ADGRD1: variants seen among roughly 807,000 people sequenced by gnomAD.
ADGRD1 encodes adhesion G protein-coupled receptor D1, also known as G-protein coupled receptor 133.
ADGRD1 carries 77 observed loss-of-function variants against 113.4 expected under a neutral mutation model. The observed-to-expected ratio is 0.68, with a 90% CI of 0.57 to 0.82. ADGRD1 has a LOEUF of 0.82. ADGRD1 is among the 40% of genes least tolerant of loss of function. The pLI is 0.00. For synonymous variants in ADGRD1, 474 were observed against 475.0 expected (o/e 1.00, Z 0.03); for missense variants, 1,036 against 1,139.1 (o/e 0.91, Z 1.30).
At chr12:130,973,332 A>G (rs547234403) in intron 4 of ADGRD1, 1 of 152,338 alleles carries the variant, frequency 6.6e-6, no homozygotes, top group South Asian at 2.1e-4. Flanking sequence ...CCTCATCTGT[A>G]AAGTGAGTGA....
At chr12:130,995,038 G>A (rs1875052612) in intron 8 of ADGRD1, among the ~76,000 whole-genome samples, 1 of 152,236 alleles carries the variant, frequency 6.6e-6, no homozygotes, top group Non-Finnish European at 1.5e-5. Flanking sequence ...TCTCGCACCT[G>A]ACACTGCAGT....
rs570268178 is a variant in ADGRD1, at chr12:131,018,280, G to C, written c.1473+3940G>C. Among the ~76,000 whole-genome samples, 5 of 152,286 alleles carry C rather than the reference G, an allele frequency of 3.3e-5. No individual in the cohort carries two copies. The South Asian group carries it at 1.0e-3, about 32-fold the overall frequency. Reference sequence around the variant, plus strand: ...CACAGCCACGTGGTTAGATTGCAGGGCTGAGGCCCGCATTCTCCCAGGTGT... The same window carrying C: ...CACAGCCACGTGGTTAGATTGCAGGCCTGAGGCCCGCATTCTCCCAGGTGT... On this transcript the variant is annotated intron_variant, in intron 13 of 24. Coordinates refer to ENST00000261654, the MANE Select transcript of ADGRD1 (RefSeq NM_198827.5).
At position 130,987,204 on chromosome 12, in the gene ADGRD1, C is replaced by T; in HGVS notation, c.600C>T (p.Asp200=). The change falls in exon 6 of 25, where the codon GAC becomes GAT. Residue 200 remains aspartate (D), a synonymous_variant. Transcript: ENST00000261654. Reference sequence around the variant, plus strand: ...ATCCGAGTGGAAAAGTGTCTCGTGACTATGGAGAGTCCAACGTCAACCTCG... The same window carrying T: ...ATCCGAGTGGAAAAGTGTCTCGTGATTATGGAGAGTCCAACGTCAACCTCG... ...TSDPSGKVSR[D]YGESNVNLVI... is the part of the protein sequence containing the mutation. 1.2e-6 allele frequency: 2 copies of T among 1,614,228 alleles called. No individual in the cohort carries two copies. Among genetic ancestry groups the T allele is most frequent in the Non-Finnish European group, 8.5e-7 (1 of 1,180,032 alleles).
At chr12:131,032,641 C>T (rs938274661) in intron 13 of ADGRD1, among the ~76,000 whole-genome samples, 10 of 152,112 alleles carry the variant, frequency 6.6e-5, no homozygotes, top group East Asian at 3.9e-4. Flanking sequence ...GGGGCAGTGA[C>T]GATTATGCTT....
intron 20 of ADGRD1, among the ~76,000 whole-genome samples, chr12:131,121,531 C>G (rs1314924863): frequency 1.3e-5 from 2 of 152,186 alleles, no homozygotes; most frequent in Non-Finnish European, 1.5e-5. Flanking sequence ...CAGCCATGCG[C>G]CACCACGCCC....
At chr12:131,125,381 G>T (rs1950716238) in intron 20 of ADGRD1, among the ~76,000 whole-genome samples, 1 of 152,174 alleles carries the variant, frequency 6.6e-6, no homozygotes, top group Non-Finnish European at 1.5e-5. Flanking sequence ...CCCCACCGAG[G>T]AAAGAAGGAG....
At chr12:131,109,649 T>C (rs1950308153) in intron 18 of ADGRD1, among the ~76,000 whole-genome samples, 1 of 152,234 alleles carries the variant, frequency 6.6e-6, no homozygotes, top group Non-Finnish European at 1.5e-5. Flanking sequence ...TTTTATGCCT[T>C]AGTAAGTATC....
intron 2 of ADGRD1, among the ~76,000 whole-genome samples, chr12:130,955,061 G>A (rs1445715917): frequency 1.3e-5 from 2 of 149,654 alleles, no homozygotes; most frequent in Non-Finnish European, 3.0e-5. Context: ...CCGGGTTCAA[G>A]CAATTCTCCT....
At chr12:131,097,777 A>C (rs1191676227) in intron 15 of ADGRD1, among the ~76,000 whole-genome samples, 1 of 152,194 alleles carries the variant, frequency 6.6e-6, no homozygotes, top group African/African-American at 2.4e-5. Flanking sequence ...GTGGGCGTCA[A>C]AGGTTGGGGA....
intron 6 of ADGRD1, chr12:130,988,225 T>C (rs1242958085): frequency 6.6e-6 from 1 of 152,148 alleles, no homozygotes; most frequent in Non-Finnish European, 1.5e-5. Context: ...AAGAATCCAG[T>C]GGTTCTTAGC....
In ADGRD1 at chr12:131,061,620, G is replaced by A. The variant is rs141150165; in HGVS notation, c.1474-15181G>A. ...CACCCTTCATCCAGTTTCCCCCAGT[G>A]ATTACAAATGAGAGAAATACAGCGC... is the stretch of plus-strand genomic sequence containing the variant. On this transcript the variant is annotated intron_variant, in intron 13 of 24. Coordinates refer to ENST00000261654, the MANE Select transcript of ADGRD1 (RefSeq NM_198827.5). Among the ~76,000 whole-genome samples, 252 of 152,298 alleles carry A rather than the reference G, an allele frequency of 1.7e-3. 1 individual carries two copies. Among genetic ancestry groups the A allele is most frequent in the Non-Finnish European group, 3.2e-3 (215 of 68,028 alleles).
chr12:131,003,424 T>G lies in ADGRD1; in HGVS notation c.1144+122T>G. On this transcript the variant is annotated intron_variant, in intron 10 of 24. Coordinates refer to ENST00000261654, the MANE Select transcript of ADGRD1 (RefSeq NM_198827.5). This position sits in a 1 kb window ranked among gnomAD's most constrained non-coding sequence, Gnocchi z 4.8. Reference sequence around the variant, plus strand: ...GCTCTGTCTCCCTGACTGCTCTGCCTGGCACAAACCACATTTGGAAGGAAA... The same window carrying G: ...GCTCTGTCTCCCTGACTGCTCTGCCGGGCACAAACCACATTTGGAAGGAAA... 2 of 760,848 alleles carry G rather than the reference T, an allele frequency of 2.6e-6. No homozygotes were observed. Among genetic ancestry groups the G allele is most frequent in the Non-Finnish European group, 4.5e-6 (2 of 440,586 alleles). The allele number at this position is 760,848 out of a possible 1,614,324, so 47.1% of individuals were successfully genotyped here. A position where few individuals can be genotyped will look rare whatever the true frequency, so the allele number is the denominator to read the frequency against.
intron 7 of ADGRD1, 36 bp from the exon 8 acceptor site, chr12:130,992,201 T>A: frequency 6.3e-7 from 1 of 1,574,900 alleles, no homozygotes; most frequent in Middle Eastern, 1.7e-4. Flanking sequence ...TTGGTTTTAG[T>A]TCTTAGTAGA....
intron 13 of ADGRD1, among the ~76,000 whole-genome samples, chr12:131,055,009 C>T (rs935294627): frequency 1.3e-5 from 2 of 152,150 alleles, no homozygotes; most frequent in African/African-American, 4.8e-5. Flanking sequence ...GAGCTTGTTA[C>T]TTTATGTTTC....
Position 131,106,656 on chromosome 12 carries a change from G to T in ADGRD1, c.1887+791G>T, listed in dbSNP as rs189801850. Among the ~76,000 whole-genome samples, 25 of 152,314 alleles carry T rather than the reference G, an allele frequency of 1.6e-4. No individual in the cohort carries two copies. In the East Asian group the frequency reaches 4.6e-3, roughly 28 times the overall value. On this transcript the variant is annotated intron_variant, in intron 17 of 24. Transcript: ENST00000261654. ...GCTTTATCCCATGCCTAGCGGGTCA[G>T]CAGAGCCTCTCCTCCTCACTGCCCA... is the stretch of plus-strand genomic sequence containing the variant.
chr12:131,043,245 C>G (rs1882324672), intron 13 of ADGRD1, among the ~76,000 whole-genome samples: 1 of 152,220 alleles, frequency 6.6e-6, no homozygotes, highest in African/African-American at 2.4e-5. Context: ...CTTCCTCCCA[C>G]AGCTCTGGTG....
chr12:131,042,789 G>A (rs1053716021), intron 13 of ADGRD1, among the ~76,000 whole-genome samples: 2 of 152,222 alleles, frequency 1.3e-5, no homozygotes, highest in African/African-American at 2.4e-5. Context: ...AGCAGCATTC[G>A]AGCCAGAGTT....
rs1040321178 is a variant in ADGRD1 at position 131,050,829 on chromosome 12, C to T, written c.1474-25972C>T. ...TAGACTCTCATGAGGAGCTTGAAAC[C>T]TAGATACCTCACAAGCAGAGTTCAC... On this transcript the variant is annotated intron_variant, in intron 13 of 24. Coordinates refer to ENST00000261654, the MANE Select transcript of ADGRD1 (RefSeq NM_198827.5). This position sits in a 1 kb window ranked among gnomAD's most constrained non-coding sequence, Gnocchi z 4.8. Among the ~76,000 whole-genome samples, 4 of 152,098 alleles carry T rather than the reference C, an allele frequency of 2.6e-5. No homozygotes were observed. Among genetic ancestry groups the T allele is most frequent in the Admixed American group, 2.6e-4 (4 of 15,270 alleles).
At position 131,065,493 on chromosome 12, in the gene ADGRD1, C is replaced by T. The variant is rs140537866; in HGVS notation, c.1474-11308C>T. On this transcript the variant is annotated intron_variant, in intron 13 of 24. Transcript: ENST00000261654. ...GACAGAACCGGAGTCACCCCTGTCC[C>T]GTGGGAGGAGGCGTCAGAGACAGGC... is the stretch of plus-strand genomic sequence containing the variant. Among the ~76,000 whole-genome samples, 254 of 152,300 alleles carry T rather than the reference C, an allele frequency of 1.7e-3. 7 individuals are homozygous for T. The East Asian group carries it at 0.038, about 23-fold the overall frequency.
Sources: allele counts gnomAD v4.1 joint callset (sites outside exome capture counted in the v4.1 genomes callset), GRCh38; gene constraint gnomAD v4.1.1; non-coding constraint Gnocchi (gnomAD v3.1); transcripts MANE v1.5; gene names NCBI Gene and HGNC (gene_info 2026-07-23, HGNC 2026-07-21).